RBFOX1: variants seen among roughly 807,000 people sequenced by gnomAD.
RBFOX1 encodes RNA binding protein fox-1 homolog 1.
In RBFOX1, 8 loss-of-function variants were observed where a neutral mutation model predicts 57.7. The observed-to-expected ratio is 0.14, with a 90% confidence interval of 0.08 to 0.25. The LOEUF is 0.25. Ranked by LOEUF, RBFOX1 falls within the 10% of genes least tolerant of loss-of-function variation. The pLI, the probability that RBFOX1 is intolerant of heterozygous loss-of-function variation, is 1.00. For synonymous variants in RBFOX1, 326 were observed against 222.4 expected, an observed-to-expected ratio of 1.47 and a Z score of -4.15; for missense variants, 611 against 548.5, an observed-to-expected ratio of 1.11 and a Z score of -1.14.
chr16:5,253,874 G>C (rs1442362703), intron 1 of RBFOX1, among the ~76,000 whole-genome samples: 1 of 152,186 alleles, frequency 6.6e-6, no homozygotes, highest in Non-Finnish European at 1.5e-5. Flanking sequence ...ACCTGGTCAT[G>C]GTCTCATCTG....
intron 4 of RBFOX1, among the ~76,000 whole-genome samples, chr16:7,265,726 G>C (rs1405304878): frequency 6.6e-6 from 1 of 152,184 alleles, no homozygotes; most frequent in Non-Finnish European, 1.5e-5. Context: ...TGGGATTATA[G>C]GCGTGAGCCA....
intron 2 of RBFOX1, among the ~76,000 whole-genome samples, chr16:6,394,277 G>A (rs2092726748): frequency 6.6e-6 from 1 of 152,146 alleles, no homozygotes; most frequent in Non-Finnish European, 1.5e-5. Context: ...AATGCTGATC[G>A]AGGCATATTG....
chr16:6,088,044 A>C, intron 1 of RBFOX1, among the ~76,000 whole-genome samples: 1 of 152,156 alleles, frequency 6.6e-6, no homozygotes, highest in East Asian at 1.9e-4. Context: ...CACAATTTCT[A>C]CAGCAGCCAC....
At chr16:6,560,194 A>AAAT (rs1381865521) in intron 2 of RBFOX1, among the ~76,000 whole-genome samples, 5 of 140,360 alleles carry the variant, frequency 3.6e-5, no homozygotes, top group African/African-American at 1.4e-4. Flanking sequence ...AAAAAAAAAA[A>AAAT]GTCAAGCCCT....
At chr16:6,602,383 A>G (rs1419570626) in intron 2 of RBFOX1, among the ~76,000 whole-genome samples, 7 of 152,114 alleles carry the variant, frequency 4.6e-5, no homozygotes, top group Non-Finnish European at 1.0e-4. Flanking sequence ...TGAGCTGTTT[A>G]TAAGGAAAAC....
chr16:6,076,527 G>C (rs1177417152), intron 1 of RBFOX1, among the ~76,000 whole-genome samples: 1 of 152,014 alleles, frequency 6.6e-6, no homozygotes, highest in Non-Finnish European at 1.5e-5. Context: ...GAGGACAGTG[G>C]TGCGATCATA....
intron 4 of RBFOX1, among the ~76,000 whole-genome samples, chr16:7,325,142 G>T (rs1251770342): frequency 6.6e-6 from 1 of 152,172 alleles, no homozygotes; most frequent in Non-Finnish European, 1.5e-5. Flanking sequence ...TGCTAATTCT[G>T]TTGTCACTAT....
intron 4 of RBFOX1, among the ~76,000 whole-genome samples, chr16:7,155,890 T>A (rs2077016844): frequency 2.0e-5 from 3 of 151,724 alleles, no homozygotes. Context: ...ATATAAATTT[T>A]ATGTCTCTAT....
At chr16:6,616,539 G>C (rs1358699406) in intron 2 of RBFOX1, among the ~76,000 whole-genome samples, 3 of 152,190 alleles carry the variant, frequency 2.0e-5, no homozygotes, top group African/African-American at 7.2e-5. Context: ...AGCCAGGCAT[G>C]GTGGCGGGCG....
At chr16:6,863,526 A>C (rs982377216) in intron 3 of RBFOX1, among the ~76,000 whole-genome samples, 1 of 152,038 alleles carries the variant, frequency 6.6e-6, no homozygotes, top group Admixed American at 6.6e-5. Flanking sequence ...TTTAATACTA[A>C]TTACAATTAT....
At chr16:7,070,091 G>A (rs1015490619) in intron 4 of RBFOX1, among the ~76,000 whole-genome samples, 2 of 152,094 alleles carry the variant, frequency 1.3e-5, no homozygotes, top group African/African-American at 4.8e-5. Flanking sequence ...GTAGGATGTG[G>A]ATTCTTGGAT....
At position 6,644,091 on chromosome 16, in the gene RBFOX1, A is replaced by G. The variant is rs557788519; in HGVS notation, c.-63-10512A>G. On this transcript the variant is annotated intron_variant, in intron 2 of 15. Transcript: ENST00000550418. ...CAGTGAGCCAAGATCACCCTACTGC[A>G]CTCCAACCTGGGCAACAGAGCGAGA... is the stretch of plus-strand genomic sequence containing the variant. 2.7e-3 allele frequency among the ~76,000 whole-genome samples: 414 copies of G among 152,268 alleles called. 1 individual carries two copies. Among genetic ancestry groups the G allele is most frequent in the Non-Finnish European group, 3.9e-3 (264 of 68,022 alleles).
chr16:5,883,703 A>G (rs942399274), intron 4 of RBFOX1, among the ~76,000 whole-genome samples: 1 of 152,192 alleles, frequency 6.6e-6, no homozygotes, highest in African/African-American at 2.4e-5. Flanking sequence ...TGAGTAGAAC[A>G]CAAGCCTTAT....
intron 4 of RBFOX1, among the ~76,000 whole-genome samples, chr16:5,887,081 G>GTCCTAT: frequency 6.6e-6 from 1 of 152,278 alleles, no homozygotes; most frequent in South Asian, 2.1e-4. Context: ...TTTCTCCCCA[G>GTCCTAT]GTTGTGACAA....
At chr16:6,486,077 A>C (rs2095474913) in intron 2 of RBFOX1, among the ~76,000 whole-genome samples, 1 of 136,532 alleles carries the variant, frequency 7.3e-6, no homozygotes. Flanking sequence ...GATCTCAGTA[A>C]AAGGCTTTTT....
chr16:5,240,744 T>C (rs1475767919), intron 1 of RBFOX1, among the ~76,000 whole-genome samples: 12 of 152,174 alleles, frequency 7.9e-5, no homozygotes, highest in Admixed American at 1.3e-4. Context: ...CCCTGTGAGC[T>C]CCCGGTGTCC....
intron 1 of RBFOX1, among the ~76,000 whole-genome samples, chr16:6,239,154 C>G (rs2097526432): frequency 6.6e-6 from 1 of 152,128 alleles, no homozygotes; most frequent in Admixed American, 6.5e-5. Flanking sequence ...CATCATGTCG[C>G]TTATTCAATG....
chr16:5,526,427 T>C lies in RBFOX1; in HGVS notation c.258+59173T>C, dbSNP rs564939560. On this transcript the variant is annotated intron_variant, in intron 2 of 2. Coordinates refer to the RBFOX1 transcript ENST00000585867. ...CTTCAGCCTCCCAAGTAGCTGGGAT[T>C]ACAGCTGTGTGCCACCATGTCCGGC... Among the ~76,000 whole-genome samples the C allele has an allele frequency of 1.8e-4, 28 of 152,258 alleles. 1 individual carries two copies. The East Asian group carries it at 5.4e-3, about 29-fold the overall frequency.
intron 4 of RBFOX1, among the ~76,000 whole-genome samples, chr16:7,231,734 C>G (rs191568758): frequency 2.0e-5 from 3 of 152,234 alleles, no homozygotes; most frequent in East Asian, 1.9e-4. Context: ...AAGGAAGGAG[C>G]TACTGTTACA....
Sources: allele counts gnomAD v4.1 joint callset (sites outside exome capture counted in the v4.1 genomes callset), GRCh38; gene constraint gnomAD v4.1.1; transcripts MANE v1.5; gene names NCBI Gene and HGNC (gene_info 2026-07-23, HGNC 2026-07-21).